Variants in TRNP1 observed in about 807,000 individuals in gnomAD.
TRNP1 encodes TMF-regulated nuclear protein 1.
TRNP1 carries 16 observed loss-of-function variants against 12.2 expected under a neutral mutation model. That is an observed-to-expected ratio of 1.31 (90% confidence interval 0.89 to 1.99). The LOEUF (loss-of-function observed/expected upper bound fraction) is 1.99. TRNP1 is among the 30% of genes most tolerant of loss of function. The pLI, the probability that TRNP1 is intolerant of heterozygous loss-of-function variation, is 0.00. For synonymous variants in TRNP1, 139 were observed against 166.2 expected (o/e 0.84, Z 1.26); for missense variants, 338 against 330.4 (o/e 1.02, Z -0.18).
At chr1:26,997,633 T>A (rs2082551641) in intron 1 of TRNP1, among the ~76,000 whole-genome samples, 1 of 152,170 alleles carries the variant, frequency 6.6e-6, no homozygotes, top group Non-Finnish European at 1.5e-5. Flanking sequence ...AGTACAGGGA[T>A]CTTGGGGGAC....
chr1:26,996,548 G>C (rs2082546161), intron 1 of TRNP1, among the ~76,000 whole-genome samples: 1 of 152,176 alleles, frequency 6.6e-6, no homozygotes, highest in African/African-American at 2.4e-5. Context: ...GGGTCTAGAG[G>C]CTTAGAGAGG....
At chr1:26,997,723 T>C (rs2082552208) in intron 1 of TRNP1, among the ~76,000 whole-genome samples, 1 of 152,156 alleles carries the variant, frequency 6.6e-6, no homozygotes, top group African/African-American at 2.4e-5. Flanking sequence ...GGAGCCTTTC[T>C]TCAGGCTGGT....
intron 1 of TRNP1, among the ~76,000 whole-genome samples, chr1:26,996,045 A>T (rs907862790): frequency 1.3e-5 from 2 of 152,228 alleles, no homozygotes; most frequent in African/African-American, 2.4e-5. Flanking sequence ...TCAAGGTCAC[A>T]TGCCAGTGAG....
intron 1 of TRNP1, among the ~76,000 whole-genome samples, chr1:26,999,589 G>A (rs1449415192): frequency 3.3e-5 from 5 of 152,230 alleles, no homozygotes; most frequent in South Asian, 2.1e-4. Context: ...CTCCATAAGG[G>A]GAGAAGTGGA....
At position 26,994,327 on chromosome 1, in the gene TRNP1, C is replaced by T. The variant is rs1232667028; in HGVS notation, c.541C>T (p.Pro181Ser). The T allele has an allele frequency of 2.7e-6, 3 of 1,104,602 alleles. No homozygotes were observed. The highest frequency in any genetic ancestry group is 8.6e-5 in the South Asian group (2 of 23,212). 68.4% of individuals were successfully genotyped at this position (1,104,602 alleles called of 1,614,324 possible). ...KGPRRGRRGRPPALLASALGL... is the reference protein window; with the variant it reads ...KGPRRGRRGRSPALLASALGL... ...CCCGCGCCGCGGCCGCCGCGGCCGA[C>T]CCCCCGCGCTGCTGGCCTCGGCGCT... Residue 181 changes from proline to serine, a missense_variant, in exon 1 of 2, where the codon CCC becomes TCC. Physicochemically the swap from Pro to Ser is moderately conservative, Grantham distance 74. Transcript: ENST00000522111. This position sits in a 1 kb window ranked among gnomAD's most constrained non-coding sequence, Gnocchi z 6.9.
At chr1:26,999,290 A>G (rs1048697217) in intron 1 of TRNP1, among the ~76,000 whole-genome samples, 1 of 152,216 alleles carries the variant, frequency 6.6e-6, no homozygotes, top group Admixed American at 6.5e-5. Flanking sequence ...AGGCTGAGAC[A>G]GGAGAATCGC....
At chr1:26,999,100 G>T (rs141598368) in intron 1 of TRNP1, among the ~76,000 whole-genome samples, 2 of 152,284 alleles carry the variant, frequency 1.3e-5, no homozygotes, top group East Asian at 3.9e-4. Flanking sequence ...CAGCAACCTG[G>T]CTTCTGAGGA....
At chr1:26,998,778 A>AGG (rs2082557852) in intron 1 of TRNP1, among the ~76,000 whole-genome samples, 3 of 152,170 alleles carry the variant, frequency 2.0e-5, no homozygotes, top group Admixed American at 2.0e-4. Flanking sequence ...CACTCTGCAA[A>AGG]GTAAGGGTTA....
intron 1 of TRNP1, among the ~76,000 whole-genome samples, chr1:26,999,339 G>T (rs371774097): frequency 6.6e-6 from 1 of 152,292 alleles, no homozygotes; most frequent in East Asian, 1.9e-4. Context: ...AGCCGAAATC[G>T]CGCCAGTGTA....
In TRNP1 at chr1:26,999,939, A is replaced by T. The variant is rs1429038293; in HGVS notation, c.*235A>T. 1 of 152,220 alleles carries T rather than the reference A, an allele frequency of 6.6e-6. No individual in the cohort carries two copies. Among genetic ancestry groups the T allele is most frequent in the Non-Finnish European group, 1.5e-5 (1 of 68,082 alleles). The allele number at this position is 152,220 out of a possible 1,614,324, so 9.4% of individuals were successfully genotyped here. ...CACTGCCTTCAGGAAGACGTTGAGA[A>T]TTGACCTTACACAATCCCAGCGCCC... On this transcript the variant is annotated 3_prime_UTR_variant, in exon 2 of 2. Coordinates refer to ENST00000522111, the MANE Select transcript of TRNP1 (RefSeq NM_001013642.3).
In TRNP1 at chr1:26,994,912, G is replaced by T. The variant is rs1408892097; in HGVS notation, c.*142+300G>T. Among the ~76,000 whole-genome samples the T allele has an allele frequency of 6.6e-6, 1 of 152,178 alleles. No homozygotes were observed. The highest frequency in any genetic ancestry group is 1.5e-5 in the Non-Finnish European group (1 of 68,038). ...ACCCCCCATCCTCACCCCCACTTGC[G>T]TGGCCTTTCCCGGGCCCCTCGGAGC... On this transcript the variant is annotated intron_variant, in intron 1 of 1. Transcript: ENST00000522111. This position sits in a 1 kb window ranked among gnomAD's most constrained non-coding sequence, Gnocchi z 6.9.
At chr1:26,998,261 C>T (rs2082555405) in intron 1 of TRNP1, among the ~76,000 whole-genome samples, 1 of 152,124 alleles carries the variant, frequency 6.6e-6, no homozygotes, top group African/African-American at 2.4e-5. Flanking sequence ...TTTGGTTGGG[C>T]TGAGCCTGGA....
chr1:26,995,840 G>T (rs888730589), intron 1 of TRNP1, among the ~76,000 whole-genome samples: 1 of 152,204 alleles, frequency 6.6e-6, no homozygotes, highest in Admixed American at 6.5e-5. Context: ...ATGTTGGTCA[G>T]GCTGTTCTTG....
Position 26,993,774 on chromosome 1 carries a change from TG to T in TRNP1, c.-7del. On this transcript the variant is annotated 5_prime_UTR_variant, in exon 1 of 2. Transcript: ENST00000522111. The stretch of plus-strand genomic sequence containing the variant: ...CGCACCTACAGCCGCAGACCGCCGG[TG>T]GGGGGCGGGGGATGCCGGGCTGCCG... 8.9e-7 allele frequency: 1 copy of T among 1,124,102 alleles called. No homozygotes were observed. Among genetic ancestry groups the T allele is most frequent in the Admixed American group, 9.6e-5 (1 of 10,396 alleles). 69.6% of individuals were successfully genotyped at this position (1,124,102 alleles called of 1,614,324 possible).
Position 26,994,425 on chromosome 1 carries a change from C to G in TRNP1, c.639C>G (p.Pro213=). 8.5e-7 allele frequency: 1 copy of G among 1,173,170 alleles called. No homozygotes were observed. Among genetic ancestry groups the G allele is most frequent in the Non-Finnish European group, 1.1e-6 (1 of 950,436 alleles). The allele number at this position is 1,173,170 out of a possible 1,614,324, so 72.7% of individuals were successfully genotyped here. Reference sequence around the variant, plus strand: ...GCCACGGCCCCGAGCCCGACTCGCCCTTCCGCCGCAGCCCGCCCCGCGGCC... The same window carrying G: ...GCCACGGCCCCGAGCCCGACTCGCCGTTCCGCCGCAGCCCGCCCCGCGGCC... The part of the protein sequence containing the change: ...RRGHGPEPDS[P]FRRSPPRGPA... The change falls in exon 1 of 2, where the codon CCC becomes CCG. Residue 213 remains proline (P), a synonymous_variant. Transcript: ENST00000522111. The surrounding 1 kb of genome is among the most constrained non-coding windows in gnomAD (Gnocchi z 6.9).
chr1:26,996,784 A>G (rs904168987), intron 1 of TRNP1, among the ~76,000 whole-genome samples: 1 of 146,936 alleles, frequency 6.8e-6, no homozygotes. Context: ...TAGAGACGAC[A>G]CTGGCTAGTG....
Position 26,994,033 on chromosome 1 carries a change from C to A in TRNP1, c.247C>A (p.Leu83Ile). The part of the protein sequence containing the change: ...WRQGASGIAG[L>I]AGPGGGSGAA... Reference sequence around the variant, plus strand: ...CCAGGGCGCTAGCGGGATCGCGGGGCTCGCCGGCCCCGGAGGGGGCTCTGG... The same window carrying A: ...CCAGGGCGCTAGCGGGATCGCGGGGATCGCCGGCCCCGGAGGGGGCTCTGG... Residue 83 changes from leucine to isoleucine, a missense_variant, in exon 1 of 2, where the codon CTC (leucine) becomes ATC (isoleucine). Physicochemically the swap from Leu to Ile is conservative, Grantham distance 5. Transcript: ENST00000522111. The surrounding 1 kb of genome is among the most constrained non-coding windows in gnomAD (Gnocchi z 6.9). The A allele has an allele frequency of 8.1e-7, 1 of 1,237,932 alleles. No homozygotes were observed. The highest frequency in any genetic ancestry group is 1.0e-6 in the Non-Finnish European group (1 of 991,844). 76.7% of individuals were successfully genotyped at this position (1,237,932 alleles called of 1,614,324 possible). A position where few individuals can be genotyped will look rare whatever the true frequency, so the allele number is the denominator to read the frequency against.
intron 1 of TRNP1, among the ~76,000 whole-genome samples, chr1:26,999,253 A>C (rs927556503): frequency 2.0e-5 from 3 of 152,162 alleles, no homozygotes; most frequent in African/African-American, 7.2e-5. Flanking sequence ...GCGTGGTGGC[A>C]TACCCCTGTA....
Position 26,993,905 on chromosome 1 carries a change from C to T in TRNP1, c.119C>T (p.Pro40Leu). 1.4e-6 allele frequency: 2 copies of T among 1,380,622 alleles called. No homozygotes were observed. Among genetic ancestry groups the T allele is most frequent in the Non-Finnish European group, 1.9e-6 (2 of 1,074,770 alleles). 85.5% of individuals were successfully genotyped at this position (1,380,622 alleles called of 1,614,324 possible). Residue 40 changes from proline to leucine, a missense_variant, in exon 1 of 2, where the codon CCG becomes CTG. Pro to Leu is a moderately conservative substitution (Grantham distance 98, BLOSUM62 -3). Transcript: ENST00000522111. ...MPSSQPPPPT[P>L]TLTPTPTPGQ... is the part of the protein sequence containing the mutation. ...TCCTCTCAGCCCCCGCCCCCAACTCCGACCTTGACTCCTACCCCGACCCCG... is the reference window on the plus strand; with the variant it reads ...TCCTCTCAGCCCCCGCCCCCAACTCTGACCTTGACTCCTACCCCGACCCCG...
Sources: allele counts gnomAD v4.1 joint callset (sites outside exome capture counted in the v4.1 genomes callset), GRCh38; gene constraint gnomAD v4.1.1; non-coding constraint Gnocchi (gnomAD v3.1); transcripts MANE v1.5; gene names NCBI Gene and HGNC (gene_info 2026-07-23, HGNC 2026-07-21).